MYZAP: variants seen among roughly 807,000 people sequenced by gnomAD.
MYZAP encodes myocardial zonula adherens protein.
Under a neutral mutation model 69.4 loss-of-function variants are expected in MYZAP, and 66 were observed. That is an observed-to-expected ratio of 0.95 (90% CI 0.78 to 1.17). The LOEUF is 1.17. MYZAP is among the 50% of genes most tolerant of loss of function. The pLI is 0.00. For missense variants in MYZAP, 611 were observed against 556.2 expected (o/e 1.10, Z -0.99); for synonymous variants, 256 against 205.9 (o/e 1.24, Z -2.09).
At chr15:57,634,368 C>T (rs1318950441) in intron 8 of MYZAP, among the ~76,000 whole-genome samples, 17 of 152,126 alleles carry the variant, frequency 1.1e-4, no homozygotes, top group African/African-American at 1.9e-4. Flanking sequence ...TAGCAGGTGA[C>T]GGCTGACTTC....
intron 12 of MYZAP, among the ~76,000 whole-genome samples, chr15:57,682,567 C>A (rs1419291261): frequency 6.6e-6 from 1 of 152,172 alleles, no homozygotes; most frequent in South Asian, 2.1e-4. Context: ...CTTCCCTAGT[C>A]AACCCTCGAT....
chr15:57,658,654 A>G lies in MYZAP; in HGVS notation c.1120-2796A>G, dbSNP rs561979621. On this transcript the variant is annotated intron_variant, in intron 10 of 12. Coordinates refer to ENST00000267853, the MANE Select transcript of MYZAP (RefSeq NM_001018100.5). ...CAAGTTTCACCTTTTCGGAAAGGCA[A>G]GAACACTTCATGGGTGATGCTGTGT... Among the ~76,000 whole-genome samples, 7 of 152,204 alleles carry G rather than the reference A, an allele frequency of 4.6e-5. No homozygotes were observed. The East Asian group carries it at 1.3e-3, about 29-fold the overall frequency.
rs1412969329 is a variant in MYZAP at position 57,632,471 on chromosome 15, G to A, written c.716G>A (p.Arg239Gln). 5.6e-6 allele frequency: 9 copies of A among 1,614,052 alleles called. No individual in the cohort carries two copies. The highest frequency in any genetic ancestry group is 2.2e-5 in the East Asian group (1 of 44,882). The part of the protein sequence containing the change: ...SSQEANAEVM[R>Q]EMTKKLYSQY... ...CAAGAAGCCAATGCTGAGGTGATGCGAGAGATGACCAAGAAGCTGTACAGC... is the reference window on the plus strand; with the variant it reads ...CAAGAAGCCAATGCTGAGGTGATGCAAGAGATGACCAAGAAGCTGTACAGC... Residue 239 changes from arginine (R) to glutamine (Q), a missense_variant, in exon 7 of 13, where the codon CGA becomes CAA. Transcript: ENST00000267853.
intron 1 of MYZAP, among the ~76,000 whole-genome samples, chr15:57,593,190 A>ATGCGCGCGTGCGCGCGCGCGCG (rs376306761): frequency 9.2e-6 from 1 of 108,256 alleles, no homozygotes; most frequent in Non-Finnish European, 1.9e-5. Flanking sequence ...ACACAGGCGC[A>ATGCGCGCGTGCGCGCGCGCGCG]CACACACACA....
At chr15:57,607,038 GC>G (rs2034796456) in intron 2 of MYZAP, among the ~76,000 whole-genome samples, 1 of 152,154 alleles carries the variant, frequency 6.6e-6, no homozygotes, top group Non-Finnish European at 1.5e-5. Context: ...TCCTCTCCCT[GC>G]CTGTCCCTTT....
intron 11 of MYZAP, among the ~76,000 whole-genome samples, chr15:57,672,302 T>C (rs1021838635): frequency 1.3e-5 from 2 of 152,192 alleles, no homozygotes; most frequent in Non-Finnish European, 2.9e-5. Flanking sequence ...CCACCATGAC[T>C]GTGCTGCTCT....
chr15:57,643,408 C>T (rs1386902509), intron 10 of MYZAP, among the ~76,000 whole-genome samples: 1 of 152,194 alleles, frequency 6.6e-6, no homozygotes, highest in Non-Finnish European at 1.5e-5. Flanking sequence ...GGTCCTGAAT[C>T]AAGCTGCATT....
At chr15:57,633,477 T>C (rs894333238) in intron 7 of MYZAP, 136 bp from the exon 8 acceptor site, 2 of 1,274,956 alleles carry the variant, frequency 1.6e-6, no homozygotes, top group African/African-American at 3.0e-5. Flanking sequence ...GAGTTCATGA[T>C]CTGTGAGACA....
intron 3 of MYZAP, among the ~76,000 whole-genome samples, chr15:57,621,199 C>CT (rs2035785298): frequency 8.5e-6 from 1 of 117,840 alleles, no homozygotes; most frequent in Non-Finnish European, 1.8e-5. Flanking sequence ...GTCCTTCTTT[C>CT]TTTTTCTTTT....
intron 4 of MYZAP, among the ~76,000 whole-genome samples, chr15:57,625,140 C>T (rs2036051656): frequency 6.7e-6 from 1 of 149,952 alleles, no homozygotes; most frequent in Non-Finnish European, 1.5e-5. Context: ...TCACTGCAAC[C>T]TTGGCTCACT....
intron 1 of MYZAP, among the ~76,000 whole-genome samples, chr15:57,595,994 T>G (rs2034032958): frequency 1.3e-5 from 2 of 152,196 alleles, no homozygotes; most frequent in Admixed American, 6.5e-5. Context: ...CTTAAACCTG[T>G]GCCGGTCAAA....
rs2036642001 is a variant in MYZAP at position 57,633,681 on chromosome 15, C to T, written c.873C>T (p.Ser291=). 6.2e-7 allele frequency: 1 copy of T among 1,613,102 alleles called. No individual in the cohort carries two copies. ...ANKKMQAAEI[S]LEEKDQRIGE... ...AAAAGATGCAAGCAGCAGAGATCAG[C>T]CTAGAGGAGAAAGACCAGAGGATCG... Residue 291 remains serine (S), a synonymous_variant, in exon 8 of 13, where the codon AGC becomes AGT. Transcript: ENST00000267853.
At chr15:57,623,615 C>G (rs1292986379) in intron 4 of MYZAP, among the ~76,000 whole-genome samples, 1 of 151,862 alleles carries the variant, frequency 6.6e-6, no homozygotes, top group Non-Finnish European at 1.5e-5. Flanking sequence ...GGCCTGTAAT[C>G]CTAGCTACTC....
At chr15:57,600,909 T>C (rs1486732587) in intron 1 of MYZAP, among the ~76,000 whole-genome samples, 2 of 151,988 alleles carry the variant, frequency 1.3e-5, no homozygotes, top group Non-Finnish European at 2.9e-5. Flanking sequence ...TAAGACTCTG[T>C]GTCTACAAAA....
At chr15:57,621,750 G>T in intron 4 of MYZAP, 50 bp downstream of exon 4, 1 of 1,588,366 alleles carries the variant, frequency 6.3e-7, no homozygotes, top group Non-Finnish European at 8.6e-7. Context: ...GGCAGGCTCA[G>T]AGTGGTCCCT....
chr15:57,629,694 C>A lies in MYZAP; in HGVS notation c.526-8C>A. The A allele has an allele frequency of 1.2e-6, 2 of 1,604,194 alleles. No individual in the cohort carries two copies. Among genetic ancestry groups the A allele is most frequent in the Non-Finnish European group, 1.7e-6 (2 of 1,176,978 alleles). ...GATCTGGTTTTGTTTTTATTTTCAT[C>A]CTCACAGAAAACCCTCGTGGATGTG... is the stretch of plus-strand genomic sequence containing the variant. On this transcript the variant is annotated splice_polypyrimidine_tract_variant and splice_region_variant and intron_variant, in intron 5 of 12. Transcript: ENST00000267853.
intron 5 of MYZAP, among the ~76,000 whole-genome samples, chr15:57,626,965 A>G (rs1190829071): frequency 6.6e-6 from 1 of 151,944 alleles, no homozygotes; most frequent in African/African-American, 2.4e-5. Context: ...GCCAAGCCCC[A>G]CTGGGTCTGG....
intron 2 of MYZAP, among the ~76,000 whole-genome samples, chr15:57,606,590 AG>A (rs2140342144): frequency 2.2e-5 from 1 of 44,908 alleles, no homozygotes; most frequent in East Asian, 6.5e-4. Flanking sequence ...GGATGGGGGG[AG>A]GGGGGAGGGA....
chr15:57,658,974 A>G, intron 10 of MYZAP, among the ~76,000 whole-genome samples: 1 of 152,208 alleles, frequency 6.6e-6, no homozygotes, highest in East Asian at 1.9e-4. Flanking sequence ...GTTTGAACAG[A>G]GAAGGCAAGA....
Sources: allele counts gnomAD v4.1 joint callset (sites outside exome capture counted in the v4.1 genomes callset), GRCh38; gene constraint gnomAD v4.1.1; transcripts MANE v1.5; gene names NCBI Gene and HGNC (gene_info 2026-07-23, HGNC 2026-07-21).